The following LRRC37A2 variants were observed in gnomAD, a reference collection of about 807,000 sequenced individuals.
LRRC37A2 encodes leucine-rich repeat-containing protein 37A2.
LRRC37A2 carries 9 observed loss-of-function variants against 68.8 expected under a neutral mutation model. The ratio of observed to expected loss-of-function variants is 0.13; its 90% CI spans 0.08 to 0.23. The LOEUF (loss-of-function observed/expected upper bound fraction) is 0.23. LRRC37A2 is among the 10% of genes least tolerant of loss of function. The pLI, the probability that LRRC37A2 is intolerant of heterozygous loss-of-function variation, is 1.00. For missense variants in LRRC37A2, 168 were observed against 950.4 expected (o/e 0.18, Z 10.82); for synonymous variants, 63 against 367.6 (o/e 0.17, Z 9.48).
the LRRC37A2 span, among the ~76,000 whole-genome samples, chr17:46,973,310 TTTTTCTTTTTC>T: frequency 6.6e-6 from 1 of 151,728 alleles, no homozygotes; most frequent in African/African-American, 2.4e-5. Context: ...TGCTGCTGCT[TTTTTCTTTTTC>T]TTTTCTTTTT....
At chr17:46,776,233 T>G in the LRRC37A2 span, among the ~76,000 whole-genome samples, 20 of 152,338 alleles carry the variant, frequency 1.3e-4, no homozygotes, top group African/African-American at 4.6e-4. Flanking sequence ...GCTTCAGGCC[T>G]GGCCCATCTG....
chr17:46,678,647 C>T, the LRRC37A2 span, among the ~76,000 whole-genome samples: 1 of 93,478 alleles, frequency 1.1e-5, no homozygotes, highest in Non-Finnish European at 2.1e-5. Flanking sequence ...CCATAAATTG[C>T]AGAAATGATA....
At chr17:46,609,810 C>T in the LRRC37A2 span, among the ~76,000 whole-genome samples, 11 of 139,558 alleles carry the variant, frequency 7.9e-5, no homozygotes, top group South Asian at 1.5e-3. Flanking sequence ...CTAATATTCT[C>T]GGGTGTCTCA....
At chr17:46,785,255 C>T in the LRRC37A2 span, among the ~76,000 whole-genome samples, 34 of 152,212 alleles carry the variant, frequency 2.2e-4, no homozygotes, top group African/African-American at 5.8e-4. Flanking sequence ...CTATCCCTCA[C>T]GTTGCCTCGG....
chr17:46,936,499 C>T, the LRRC37A2 span: 3 of 985,506 alleles, frequency 3.0e-6, no homozygotes, highest in Non-Finnish European at 3.6e-6. Context: ...TGGTGTTTGT[C>T]TCTTGATTCC....
At chr17:47,019,519 A>C in the LRRC37A2 span, 5 of 1,528,838 alleles carry the variant, frequency 3.3e-6, no homozygotes, top group African/African-American at 1.4e-5. Context: ...ACAGCTCCTC[A>C]TCCAGATCAG....
the LRRC37A2 span, among the ~76,000 whole-genome samples, chr17:46,491,040 G>A: frequency 6.6e-6 from 1 of 150,638 alleles, no homozygotes; most frequent in Admixed American, 6.6e-5. Flanking sequence ...GACTACAGGT[G>A]CTCGCTGCCA....
At chr17:46,872,574 G>A in the LRRC37A2 span, 982 of 1,600,106 alleles carry the variant, frequency 6.1e-4, 17 homozygotes, top group South Asian at 0.01. Flanking sequence ...CGGCAGCCCC[G>A]GCACAGGGCG....
At chr17:46,895,597 G>C in the LRRC37A2 span, among the ~76,000 whole-genome samples, 1 of 152,172 alleles carries the variant, frequency 6.6e-6, no homozygotes, top group Admixed American at 6.5e-5. Flanking sequence ...GATAATTGCT[G>C]TTACCCTGCC....
the LRRC37A2 span, among the ~76,000 whole-genome samples, chr17:46,777,479 T>C: frequency 6.6e-6 from 1 of 152,236 alleles, no homozygotes; most frequent in African/African-American, 2.4e-5. Flanking sequence ...CATGGCTTGA[T>C]TGGCCTCAAA....
the LRRC37A2 span, among the ~76,000 whole-genome samples, chr17:46,958,889 C>G: frequency 0.32 from 49,410 of 152,192 alleles, 8,993 homozygotes; most frequent in South Asian, 0.49. Flanking sequence ...TCAGTTTCCT[C>G]TACAGTGAAA....
the LRRC37A2 span, chr17:46,770,138 AC>A: frequency 6.9e-7 from 1 of 1,446,030 alleles, no homozygotes; most frequent in South Asian, 1.4e-5. Flanking sequence ...CGTGAGGGGA[AC>A]GAGGCCAGGA....
the LRRC37A2 span, among the ~76,000 whole-genome samples, chr17:46,745,060 G>A: frequency 1.3e-5 from 2 of 150,250 alleles, no homozygotes; most frequent in Admixed American, 1.3e-4. Context: ...TTTGCTTTCC[G>A]TCAAGGGGCA....
the LRRC37A2 span, among the ~76,000 whole-genome samples, chr17:47,027,199 C>T: frequency 2.0e-5 from 3 of 152,072 alleles, no homozygotes; most frequent in South Asian, 2.1e-4. Context: ...ACTGAGCCAC[C>T]GCACCCGGCC....
chr17:47,028,036 T>C, the LRRC37A2 span, among the ~76,000 whole-genome samples: 2 of 152,228 alleles, frequency 1.3e-5, no homozygotes, highest in Admixed American at 6.5e-5. Context: ...AATCCTGTTC[T>C]AGAGAAATAA....
chr17:46,751,012 T>G, the LRRC37A2 span, among the ~76,000 whole-genome samples: 1 of 152,200 alleles, frequency 6.6e-6, no homozygotes, highest in Admixed American at 6.5e-5. Flanking sequence ...TTGGAAAATA[T>G]TATCTACTGA....
At chr17:46,461,929 G>A in the LRRC37A2 span, among the ~76,000 whole-genome samples, 1 of 64,806 alleles carries the variant, frequency 1.5e-5, no homozygotes, top group African/African-American at 5.0e-5. Context: ...CCCGGGAGGC[G>A]GAGATTGCAG....
chr17:46,785,315 C>T, the LRRC37A2 span, among the ~76,000 whole-genome samples: 1 of 152,168 alleles, frequency 6.6e-6, no homozygotes. Context: ...GACCTGTCAC[C>T]CTGCATTGTG....
chr17:46,942,090 A>G, the LRRC37A2 span: 37 of 306,124 alleles, frequency 1.2e-4, no homozygotes, highest in Non-Finnish European at 1.7e-4. Context: ...AGTGAGGCAC[A>G]AGAACAAATC....
Sources: gnomAD v4.1 joint callset for allele counts (sites outside exome capture counted in the v4.1 genomes callset) on GRCh38, gnomAD v4.1.1 for gene constraint, MANE v1.5 for transcripts, NCBI Gene and HGNC (gene_info 2026-07-23, HGNC 2026-07-21) for gene names.